The following SLC28A3 variants were observed in gnomAD, a reference collection of about 807,000 sequenced individuals.
SLC28A3 encodes the protein concentrative Na(+)-nucleoside cotransporter 3.
Under a neutral mutation model 84.2 loss-of-function variants are expected in SLC28A3, and 68 were observed. That is an observed-to-expected ratio of 0.81 (90% CI 0.66 to 0.99). SLC28A3 has a LOEUF of 0.99. Among genes scored for constraint, SLC28A3 ranks in the 50% least tolerant of loss-of-function variants. The probability of loss-of-function intolerance (pLI) is 0.00; values close to 1 mark genes in which losing one functional copy is unlikely to be tolerated. For missense variants in SLC28A3, 712 were observed against 841.5 expected, an observed-to-expected ratio of 0.85 and a Z score of 1.90; for synonymous variants, 267 against 303.6, an observed-to-expected ratio of 0.88 and a Z score of 1.25.
intron 12 of SLC28A3, among the ~76,000 whole-genome samples, chr9:84,287,309 C>T (rs185121100): frequency 4.6e-5 from 7 of 152,274 alleles, no homozygotes; most frequent in African/African-American, 1.2e-4. Flanking sequence ...ATTTCAGACA[C>T]ATGTTGGTTG....
chr9:84,310,323 T>A, intron 2 of SLC28A3: 1 of 884,480 alleles, frequency 1.1e-6, no homozygotes, highest in Non-Finnish European at 1.4e-6. Flanking sequence ...ACCCATCCCA[T>A]TTTTTCATGG....
At chr9:84,350,156 G>A in the SLC28A3 span, among the ~76,000 whole-genome samples, 1 of 152,184 alleles carries the variant, frequency 6.6e-6, no homozygotes, top group Non-Finnish European at 1.5e-5. Flanking sequence ...AAAAAATATG[G>A]TAGGCCCGGC....
Position 84,277,911 on chromosome 9 carries a change from A to G in SLC28A3, c.*307T>C, listed in dbSNP as rs1824581324. 6.7e-6 allele frequency: 2 copies of G among 298,372 alleles called. No homozygotes were observed. The highest frequency in any genetic ancestry group is 1.3e-5 in the Non-Finnish European group (2 of 158,114). The allele number at this position is 298,372 out of a possible 1,614,324, so 18.5% of individuals were successfully genotyped here. ...CCAGTTGTTGGGAGCGGCCGTTTAT[A>G]GCTGTATTCTGGTGAAATGCCTTGC... On this transcript the variant is annotated 3_prime_UTR_variant, in exon 18 of 18. Coordinates refer to ENST00000376238, the MANE Select transcript of SLC28A3 (RefSeq NM_001199633.2).
chr9:84,344,401 C>G (rs1322245695), upstream of SLC28A3, among the ~76,000 whole-genome samples: 1 of 151,944 alleles, frequency 6.6e-6, no homozygotes, highest in Non-Finnish European at 1.5e-5. Flanking sequence ...GTTGGCCAGG[C>G]TGGTCTTGAA....
rs57280644 is a variant in SLC28A3 at position 84,292,475 on chromosome 9, GTCTCTCTCTCTC to G, written c.1023+181_1023+192del. Reference sequence around the variant, plus strand: ...TCTCTGTCTCTCTGTCTCTCTCTCTGTCTCTCTCTCTCTCTCTCTCTGTCTCTCTCTCTTCTC... The same window carrying G: ...TCTCTGTCTCTCTGTCTCTCTCTCTGTCTCTCTCTGTCTCTCTCTCTTCTC... On this transcript the variant is annotated intron_variant, in intron 10 of 17. Coordinates refer to ENST00000376238, the MANE Select transcript of SLC28A3 (RefSeq NM_001199633.2). The G allele has an allele frequency of 2.9e-3, 1,104 of 376,590 alleles. 3 individuals are homozygous for G. Among genetic ancestry groups the G allele is most frequent in the Non-Finnish European group, 4.4e-3 (920 of 209,686 alleles). 23.3% of individuals were successfully genotyped at this position (376,590 alleles called of 1,614,324 possible).
intron 1 of SLC28A3, 63 bp downstream of exon 1, chr9:84,340,511 G>A (rs1827124550): frequency 1.9e-6 from 3 of 1,561,044 alleles, no homozygotes; most frequent in Non-Finnish European, 2.7e-6. Context: ...ACTTGCCAAG[G>A]GGCTAAGGAA....
chr9:84,343,629 A>T (rs1314155524), upstream of SLC28A3, among the ~76,000 whole-genome samples: 1 of 152,236 alleles, frequency 6.6e-6, no homozygotes, highest in East Asian at 1.9e-4. Context: ...GAAAAAAATT[A>T]AAAGGAAGAA....
the SLC28A3 span, among the ~76,000 whole-genome samples, chr9:84,351,235 T>A: frequency 3.3e-5 from 5 of 152,208 alleles, no homozygotes; most frequent in African/African-American, 1.2e-4. Flanking sequence ...CATCAAGATG[T>A]CACTACGTGA....
chr9:84,331,236 T>G lies in SLC28A3; in HGVS notation c.60+9338A>C, dbSNP rs181107601. 5.4e-4 allele frequency among the ~76,000 whole-genome samples: 82 copies of G among 152,234 alleles called. 1 individual carries two copies. In the East Asian group the frequency reaches 8.9e-3, roughly 16 times the overall value. ...AAAAGCGAATTATTGTCATGTGTTT[T>G]TGTGTGTGTGTGTTTTAATTGAATA... is the stretch of plus-strand genomic sequence containing the variant. On this transcript the variant is annotated intron_variant, in intron 1 of 17. Transcript: ENST00000376238.
chr9:84,310,388 C>T (rs374907314), intron 2 of SLC28A3: 2 of 983,722 alleles, frequency 2.0e-6, no homozygotes, highest in South Asian at 9.4e-5. Context: ...CATCCTATTT[C>T]CAGGATGGCA....
chr9:84,281,225 G>A (rs531261728), intron 14 of SLC28A3, among the ~76,000 whole-genome samples: 102 of 152,212 alleles, frequency 6.7e-4, no homozygotes, highest in Middle Eastern at 3.4e-3. Flanking sequence ...AGTTGCTGGA[G>A]ATAAAAAATT....
intron 1 of SLC28A3, among the ~76,000 whole-genome samples, chr9:84,332,424 G>T (rs1826823851): frequency 6.6e-6 from 1 of 152,156 alleles, no homozygotes; most frequent in Non-Finnish European, 1.5e-5. Flanking sequence ...TTGCTCTGGA[G>T]AATTAGGAGG....
At chr9:84,334,087 G>A (rs1177824157) in intron 1 of SLC28A3, among the ~76,000 whole-genome samples, 8 of 152,082 alleles carry the variant, frequency 5.3e-5, no homozygotes, top group Non-Finnish European at 7.4e-5. Context: ...GGTGGATCAC[G>A]TGAGGTCAGG....
upstream of SLC28A3, among the ~76,000 whole-genome samples, chr9:84,341,540 C>A (rs146937178): frequency 1.3e-5 from 2 of 152,114 alleles, no homozygotes; most frequent in Non-Finnish European, 2.9e-5. Context: ...TGTTTAGTGT[C>A]ATTTAGCTAA....
intron 16 of SLC28A3, 96 bp from the exon 17 acceptor site, chr9:84,279,481 GC>G: frequency 1.0e-6 from 1 of 1,002,486 alleles, no homozygotes; most frequent in Non-Finnish European, 1.3e-6. Context: ...TTGCGCTTTT[GC>G]CCAGGCTAGA....
chr9:84,367,172 G>A, the SLC28A3 span, among the ~76,000 whole-genome samples: 4,002 of 152,246 alleles, frequency 0.026, 135 homozygotes, highest in African/African-American at 0.075. Flanking sequence ...CGCAGGCCAC[G>A]GGGAGTACTC....
At chr9:84,305,648 T>C (rs1825766219) in intron 3 of SLC28A3, among the ~76,000 whole-genome samples, 1 of 152,134 alleles carries the variant, frequency 6.6e-6, no homozygotes, top group African/African-American at 2.4e-5. Context: ...AAAGCTGAAA[T>C]AGTCACAGGA....
At chr9:84,321,366 C>A (rs147026090) in intron 1 of SLC28A3, among the ~76,000 whole-genome samples, 1 of 152,108 alleles carries the variant, frequency 6.6e-6, no homozygotes, top group East Asian at 1.9e-4. Context: ...AATGCTTTCA[C>A]AATGGGCACA....
Position 84,297,308 on chromosome 9 carries a change from A to G in SLC28A3, c.784-10T>C, listed in dbSNP as rs1390098697. 1.2e-6 allele frequency: 2 copies of G among 1,603,992 alleles called. No homozygotes were observed. Among genetic ancestry groups the G allele is most frequent in the Non-Finnish European group, 1.7e-6 (2 of 1,175,002 alleles). On this transcript the variant is annotated splice_polypyrimidine_tract_variant and intron_variant, in intron 7 of 17. Transcript: ENST00000376238. ...TGTACTCCAGAAAAGTCTGAGTTAA[A>G]GAAAGAAAAAGAGATTTCATTCCAA...
Sources: allele counts gnomAD v4.1 joint callset (sites outside exome capture counted in the v4.1 genomes callset), GRCh38; gene constraint gnomAD v4.1.1; transcripts MANE v1.5; gene names NCBI Gene and HGNC (gene_info 2026-07-23, HGNC 2026-07-21).